The following STK32B variants were observed in gnomAD, a reference collection of about 807,000 sequenced individuals.
STK32B encodes serine/threonine kinase 32B, also known as serine/threonine-protein kinase 32B.
Under a neutral mutation model 52.6 loss-of-function variants are expected in STK32B, and 43 were observed. The ratio of observed to expected loss-of-function variants is 0.82; its 90% CI spans 0.64 to 1.05. The LOEUF is 1.05. Ranked by LOEUF, STK32B falls within the 50% of genes least tolerant of loss-of-function variation. STK32B has a pLI of 0.00. For synonymous variants in STK32B, 238 were observed against 204.3 expected, an observed-to-expected ratio of 1.17 and a Z score of -1.41; for missense variants, 621 against 534.6, an observed-to-expected ratio of 1.16 and a Z score of -1.59.
chr4:5,037,153 T>C, the STK32B span, among the ~76,000 whole-genome samples: 3 of 152,196 alleles, frequency 2.0e-5, no homozygotes, highest in Non-Finnish European at 4.4e-5. Context: ...GCAGCACCCC[T>C]GGTTTCTATC....
Position 5,398,300 on chromosome 4 carries a change from G to A in STK32B, c.472+56G>A. ...TCTCAGTGGAAAGTTTGAGGCACTG[G>A]GAAATAGTGCGGGGGTGGGGGTTGG... On this transcript the variant is annotated intron_variant, in intron 5 of 11. Transcript: ENST00000282908. This position sits in a 1 kb window ranked among gnomAD's most constrained non-coding sequence, Gnocchi z 4.9. The A allele has an allele frequency of 6.3e-7, 1 of 1,593,540 alleles. No homozygotes were observed.
At position 5,461,363 on chromosome 4, in the gene STK32B, C is replaced by T. The variant is rs186766629; in HGVS notation, c.909+1135C>T. On this transcript the variant is annotated intron_variant, in intron 9 of 11. Coordinates refer to ENST00000282908, the MANE Select transcript of STK32B (RefSeq NM_018401.3). Reference sequence around the variant, plus strand: ...AGGCTGGTTCCTGGGGAGCCTCAGACGTCCCTGGCTAGTGTTTCATGTCAG... The same window carrying T: ...AGGCTGGTTCCTGGGGAGCCTCAGATGTCCCTGGCTAGTGTTTCATGTCAG... Among the ~76,000 whole-genome samples the T allele has an allele frequency of 4.4e-3, 677 of 152,332 alleles. 3 individuals are homozygous for T. The highest frequency in any genetic ancestry group is 0.02 in the Middle Eastern group (6 of 294).
At chr4:5,071,255 A>C (rs1441324627) in intron 1 of STK32B, among the ~76,000 whole-genome samples, 1 of 152,200 alleles carries the variant, frequency 6.6e-6, no homozygotes, top group African/African-American at 2.4e-5. Context: ...GTTACTCCAC[A>C]AGAAAGAGGA....
chr4:5,490,445 G>A (rs970562351), intron 11 of STK32B, among the ~76,000 whole-genome samples: 2 of 151,936 alleles, frequency 1.3e-5, no homozygotes, highest in Admixed American at 1.3e-4. Context: ...CCAAATTTGG[G>A]GTAAGGCAGT....
intron 4 of STK32B, among the ~76,000 whole-genome samples, chr4:5,357,144 G>T (rs1030534284): frequency 3.3e-5 from 5 of 151,782 alleles, no homozygotes; most frequent in African/African-American, 1.2e-4. Flanking sequence ...GAAGGCTTGA[G>T]GCCCCAGGAA....
intron 3 of STK32B, among the ~76,000 whole-genome samples, chr4:5,216,169 T>C (rs1723170764): frequency 6.6e-6 from 1 of 152,160 alleles, no homozygotes; most frequent in Admixed American, 6.5e-5. Flanking sequence ...CACCTCAGAG[T>C]TCCTGATTTA....
intron 6 of STK32B, among the ~76,000 whole-genome samples, chr4:5,440,079 C>T (rs1406576918): frequency 5.9e-5 from 9 of 151,834 alleles, no homozygotes; most frequent in South Asian, 2.1e-4. Context: ...ATTGACTTGG[C>T]GATGCGGGCT....
rs529821134 is a variant in STK32B, at chr4:5,130,772, C to G, written c.53-9133C>G. Among the ~76,000 whole-genome samples, 3 of 152,250 alleles carry G rather than the reference C, an allele frequency of 2.0e-5. No individual in the cohort carries two copies. The South Asian group carries it at 6.2e-4, about 32-fold the overall frequency. ...ATGTCTACCAATCCAGTGGGTTAAT[C>G]CTTCCTCCACCCTGCCCCACTCATC... On this transcript the variant is annotated intron_variant, in intron 1 of 11. Coordinates refer to ENST00000282908, the MANE Select transcript of STK32B (RefSeq NM_018401.3).
intron 3 of STK32B, among the ~76,000 whole-genome samples, chr4:5,205,842 C>A (rs1054330607): frequency 3.9e-5 from 6 of 152,032 alleles, no homozygotes; most frequent in Admixed American, 3.9e-4. Flanking sequence ...TCTCTTTCAC[C>A]GATTCTCATC....
intron 3 of STK32B, among the ~76,000 whole-genome samples, chr4:5,209,901 G>T (rs1396362863): frequency 6.6e-6 from 1 of 152,162 alleles, no homozygotes; most frequent in East Asian, 1.9e-4. Context: ...CCAAAGCCTA[G>T]ATTGTTTCCT....
chr4:5,217,064 A>G (rs1723222936), intron 3 of STK32B, among the ~76,000 whole-genome samples: 1 of 152,224 alleles, frequency 6.6e-6, no homozygotes, highest in African/African-American at 2.4e-5. Context: ...CCTTAGGCTC[A>G]GCAAAACCGA....
chr4:5,065,050 C>G (rs1742363678), intron 1 of STK32B, among the ~76,000 whole-genome samples: 1 of 151,774 alleles, frequency 6.6e-6, no homozygotes, highest in South Asian at 2.1e-4. Context: ...GCAACGAAGC[C>G]TGGAGTTCAA....
chr4:5,184,916 A>C (rs1035448148), intron 3 of STK32B, among the ~76,000 whole-genome samples: 1 of 152,182 alleles, frequency 6.6e-6, no homozygotes, highest in Admixed American at 6.5e-5. Context: ...TGTCAAGAGA[A>C]GCACAGGAAA....
At chr4:5,239,791 A>G (rs1724886432) in intron 3 of STK32B, among the ~76,000 whole-genome samples, 1 of 152,090 alleles carries the variant, frequency 6.6e-6, no homozygotes. Context: ...GAATGACTAA[A>G]GGTTAAAATC....
chr4:5,345,155 A>G (rs1169768852), intron 4 of STK32B, among the ~76,000 whole-genome samples: 7 of 151,978 alleles, frequency 4.6e-5, no homozygotes, highest in Non-Finnish European at 1.0e-4. Context: ...TTATCATCTT[A>G]TTGAATTCAA....
At chr4:5,038,995 T>G in the STK32B span, among the ~76,000 whole-genome samples, 1 of 150,202 alleles carries the variant, frequency 6.7e-6, no homozygotes, top group East Asian at 1.9e-4. Flanking sequence ...CTTTTTTTTT[T>G]TTTTTTTTTG....
At chr4:5,137,109 C>T (rs918913510) in intron 1 of STK32B, among the ~76,000 whole-genome samples, 2 of 152,182 alleles carry the variant, frequency 1.3e-5, no homozygotes, top group African/African-American at 4.8e-5. Context: ...AGTTAGGAGA[C>T]ATGACAGAGG....
At chr4:5,376,040 C>T (rs77849974) in intron 4 of STK32B, among the ~76,000 whole-genome samples, 1,644 of 152,310 alleles carry the variant, frequency 0.011, 29 homozygotes, top group East Asian at 0.082. Context: ...ACTCTGGACG[C>T]AGAGTTCCCA....
At chr4:5,122,494 C>T (rs1363382645) in intron 1 of STK32B, among the ~76,000 whole-genome samples, 1 of 152,144 alleles carries the variant, frequency 6.6e-6, no homozygotes, top group African/African-American at 2.4e-5. Context: ...CATTCACACA[C>T]ATTCACTCAT....
Sources: allele counts gnomAD v4.1 joint callset (sites outside exome capture counted in the v4.1 genomes callset), GRCh38; gene constraint gnomAD v4.1.1; non-coding constraint Gnocchi (gnomAD v3.1); transcripts MANE v1.5; gene names NCBI Gene and HGNC (gene_info 2026-07-23, HGNC 2026-07-21).